GPBP1: variants seen among roughly 807,000 people sequenced by gnomAD.
The protein encoded by GPBP1 is GC-rich promoter binding protein 1.
Under a neutral mutation model 56.5 loss-of-function variants are expected in GPBP1, and 13 were observed. The observed-to-expected ratio is 0.23, with a 90% confidence interval of 0.15 to 0.37. The LOEUF is 0.37. Among genes scored for constraint, GPBP1 ranks in the 10% least tolerant of loss-of-function variants. GPBP1 has a pLI of 1.00. For missense variants in GPBP1, 477 were observed against 572.3 expected (o/e 0.83, Z 1.70); for synonymous variants, 204 against 188.9 (o/e 1.08, Z -0.66).
intron 5 of GPBP1, among the ~76,000 whole-genome samples, chr5:57,234,726 T>C (rs1756594752): frequency 6.6e-6 from 1 of 152,232 alleles, no homozygotes; most frequent in Non-Finnish European, 1.5e-5. Flanking sequence ...GTGCAATCAC[T>C]GGCTCTGAGA....
chr5:57,250,499 T>G (rs1741329418), intron 9 of GPBP1, among the ~76,000 whole-genome samples: 1 of 152,088 alleles, frequency 6.6e-6, no homozygotes, highest in Non-Finnish European at 1.5e-5. Context: ...CTGGCTTAAT[T>G]TTTCATTCCT....
chr5:57,259,722 A>G (rs1481405236), intron 10 of GPBP1, among the ~76,000 whole-genome samples: 1 of 152,168 alleles, frequency 6.6e-6, no homozygotes, highest in Admixed American at 6.5e-5. Flanking sequence ...CCCTTGTTTG[A>G]TGAGAGGAAT....
At chr5:57,253,314 AT>A (rs977858850) in intron 10 of GPBP1, among the ~76,000 whole-genome samples, 5 of 151,688 alleles carry the variant, frequency 3.3e-5, no homozygotes, top group South Asian at 2.1e-4. Context: ...GTATAAACTG[AT>A]TTTTTTTTAA....
At chr5:57,219,425 A>T (rs1288599877) in intron 3 of GPBP1, among the ~76,000 whole-genome samples, 5 of 146,996 alleles carry the variant, frequency 3.4e-5, no homozygotes, top group Non-Finnish European at 7.4e-5. Flanking sequence ...CAAACAAAAA[A>T]AAAAACAACA....
chr5:57,190,538 C>T (rs1398699949), intron 2 of GPBP1, among the ~76,000 whole-genome samples: 1 of 150,938 alleles, frequency 6.6e-6, no homozygotes, highest in Non-Finnish European at 1.5e-5. Flanking sequence ...GAGCTGAGAT[C>T]ACGCCACTGC....
intron 2 of GPBP1, among the ~76,000 whole-genome samples, chr5:57,177,921 A>G (rs1753866168): frequency 6.6e-6 from 1 of 152,036 alleles, no homozygotes; most frequent in African/African-American, 2.4e-5. Context: ...CCATAGAGTG[A>G]AAGTGGTAGT....
intron 2 of GPBP1, among the ~76,000 whole-genome samples, chr5:57,188,407 C>T (rs1320887205): frequency 6.6e-6 from 1 of 152,144 alleles, no homozygotes; most frequent in Admixed American, 6.6e-5. Flanking sequence ...TATAGCTTAA[C>T]TGCCGTCTTG....
chr5:57,208,112 G>A (rs535402227), intron 2 of GPBP1, among the ~76,000 whole-genome samples: 6 of 152,042 alleles, frequency 3.9e-5, no homozygotes, highest in Admixed American at 6.6e-5. Flanking sequence ...TGGAGCCCTC[G>A]CGAGGGACCA....
At chr5:57,241,810 G>A (rs182495788) in intron 6 of GPBP1, among the ~76,000 whole-genome samples, 1 of 152,274 alleles carries the variant, frequency 6.6e-6, no homozygotes, top group African/African-American at 2.4e-5. Flanking sequence ...CTTTTAAAAT[G>A]TAAACATTTG....
chr5:57,198,586 C>T (rs1754864313), intron 2 of GPBP1, among the ~76,000 whole-genome samples: 1 of 152,162 alleles, frequency 6.6e-6, no homozygotes, highest in African/African-American at 2.4e-5. Flanking sequence ...GGCGCAGTCA[C>T]ACCTGTAATC....
intron 3 of GPBP1, among the ~76,000 whole-genome samples, chr5:57,222,132 T>C (rs987187633): frequency 6.6e-6 from 1 of 152,150 alleles, no homozygotes; most frequent in Admixed American, 6.6e-5. Flanking sequence ...CTTGAGACAC[T>C]GTACCTGGCC....
intron 2 of GPBP1, among the ~76,000 whole-genome samples, chr5:57,198,861 A>C (rs1268571800): frequency 6.6e-6 from 1 of 152,078 alleles, no homozygotes; most frequent in Non-Finnish European, 1.5e-5. Context: ...CTTCAGTGTC[A>C]TTTGCTTCAC....
rs558231967 is a variant in GPBP1, at chr5:57,246,314, C to T, written c.493C>T (p.Pro165Ser). 2 of 1,611,654 alleles carry T rather than the reference C, an allele frequency of 1.2e-6. No homozygotes were observed. Among genetic ancestry groups the T allele is most frequent in the South Asian group, 1.1e-5 (1 of 90,894 alleles). The change falls in exon 7 of 12, where the codon CCT becomes TCT. Residue 165 changes from proline to serine, a missense_variant. Pro to Ser is a moderately conservative substitution (Grantham distance 74). Coordinates refer to ENST00000506184, the MANE Select transcript of GPBP1 (RefSeq NM_022913.4). The part of the protein sequence containing the change: ...AAGVWEYPPN[P>S]KSRAPRMLVI... The stretch of plus-strand genomic sequence containing the variant: ...TATTTATGCAGAATATCCTCCGAAT[C>T]CTAAATCTAGAGCTCCAAGGATGCT...
chr5:57,197,507 G>A (rs1754820140), intron 2 of GPBP1, among the ~76,000 whole-genome samples: 1 of 145,616 alleles, frequency 6.9e-6, no homozygotes, highest in Admixed American at 6.7e-5. Context: ...ACAGGTGCCT[G>A]CCACCATGCC....
At chr5:57,232,843 G>C (rs1416844024) in intron 5 of GPBP1, among the ~76,000 whole-genome samples, 3 of 152,128 alleles carry the variant, frequency 2.0e-5, no homozygotes, top group Admixed American at 2.0e-4. Flanking sequence ...TTTATTTACG[G>C]CACCAAAGAA....
intron 3 of GPBP1, among the ~76,000 whole-genome samples, chr5:57,220,869 T>C (rs1561349751): frequency 6.6e-6 from 1 of 152,204 alleles, no homozygotes; most frequent in Non-Finnish European, 1.5e-5. Context: ...TTCTGTCTTA[T>C]TCTTTCTCAG....
chr5:57,221,249 A>G, intron 3 of GPBP1: 1 of 616,226 alleles, frequency 1.6e-6, no homozygotes. Flanking sequence ...CAGTCTTTTC[A>G]TTTTCATGTA....
chr5:57,221,618 T>C (rs1342115877), intron 3 of GPBP1, among the ~76,000 whole-genome samples: 1 of 152,318 alleles, frequency 6.6e-6, no homozygotes, highest in Non-Finnish European at 1.5e-5. Flanking sequence ...ACAAAAAATG[T>C]GGTGGAACTT....
intron 3 of GPBP1, among the ~76,000 whole-genome samples, chr5:57,225,144 A>G (rs1052726572): frequency 1.3e-5 from 2 of 152,110 alleles, no homozygotes; most frequent in Non-Finnish European, 2.9e-5. Flanking sequence ...ATACAATAGG[A>G]CTAAAAAGGA....
Sources: allele counts gnomAD v4.1 joint callset (sites outside exome capture counted in the v4.1 genomes callset), GRCh38; gene constraint gnomAD v4.1.1; transcripts MANE v1.5; gene names NCBI Gene and HGNC (gene_info 2026-07-23, HGNC 2026-07-21).